The following SENP7 variants were observed in gnomAD, a reference collection of about 807,000 sequenced individuals.
The protein encoded by SENP7 is SUMO specific peptidase 7.
In SENP7, 64 loss-of-function variants were observed where a neutral mutation model predicts 141.2. The observed-to-expected ratio is 0.45, with a 90% confidence interval of 0.37 to 0.56. The LOEUF is 0.56. Ranked by LOEUF, SENP7 falls within the 20% of genes least tolerant of loss-of-function variation. The pLI is 0.00. For synonymous variants in SENP7, 382 were observed against 426.4 expected (o/e 0.90, Z 1.28); for missense variants, 1,025 against 1,212.2 (o/e 0.85, Z 2.29).
At chr3:101,492,593 C>A (rs1245145630) in intron 3 of SENP7, among the ~76,000 whole-genome samples, 1 of 152,038 alleles carries the variant, frequency 6.6e-6, no homozygotes, top group Non-Finnish European at 1.5e-5. Flanking sequence ...GGACTAATGT[C>A]CTTATAAGAA....
intron 17 of SENP7, among the ~76,000 whole-genome samples, chr3:101,336,857 T>C (rs1434564364): frequency 6.6e-6 from 1 of 152,140 alleles, no homozygotes; most frequent in Non-Finnish European, 1.5e-5. Flanking sequence ...TGGGCAAAAA[T>C]CAGCTAAATT....
chr3:101,460,699 G>A (rs2063517140), intron 3 of SENP7, among the ~76,000 whole-genome samples: 1 of 152,094 alleles, frequency 6.6e-6, no homozygotes, highest in Non-Finnish European at 1.5e-5. Flanking sequence ...ATGATAAAGT[G>A]GACATCAGCA....
intron 6 of SENP7, among the ~76,000 whole-genome samples, chr3:101,373,123 T>C (rs1396476205): frequency 6.6e-6 from 1 of 152,082 alleles, no homozygotes; most frequent in Non-Finnish European, 1.5e-5. Context: ...ACCAGTGTAG[T>C]GTCATAGTTA....
chr3:101,463,378 T>TATATATATATATATACAC (rs1553744687), intron 3 of SENP7, among the ~76,000 whole-genome samples: 16 of 84,404 alleles, frequency 1.9e-4, no homozygotes, highest in African/African-American at 4.2e-4. Flanking sequence ...TATATATATA[T>TATATATATATATATACAC]ATATATATAT....
chr3:101,437,360 TAAC>T (rs1328380802), intron 4 of SENP7, among the ~76,000 whole-genome samples: 1 of 152,194 alleles, frequency 6.6e-6, no homozygotes, highest in Non-Finnish European at 1.5e-5. Context: ...TTAAATACCT[TAAC>T]AAATGTAACT....
chr3:101,418,402 T>C (rs1398151411), intron 4 of SENP7, among the ~76,000 whole-genome samples: 2 of 152,096 alleles, frequency 1.3e-5, no homozygotes, highest in African/African-American at 2.4e-5. Context: ...TCTCATTCAA[T>C]ACATCTTTAT....
At chr3:101,431,623 A>C (rs1203452679) in intron 4 of SENP7, among the ~76,000 whole-genome samples, 1 of 151,490 alleles carries the variant, frequency 6.6e-6, no homozygotes, top group Non-Finnish European at 1.5e-5. Flanking sequence ...GTCTCGACTA[A>C]AAATACAAAA....
In SENP7 at chr3:101,366,526, G is replaced by C. The variant is rs959431777; in HGVS notation, c.1222C>G (p.Leu408Val). The C allele has an allele frequency of 6.2e-7, 1 of 1,613,752 alleles. No homozygotes were observed. Among genetic ancestry groups the C allele is most frequent in the Non-Finnish European group, 8.5e-7 (1 of 1,179,758 alleles). ...AACTCATTCTCATCCTTCTCAACCA[G>C]GGAAGAAATCCCCACAATATCAATG... Reference protein sequence around the residue: ...NSIDIVGISSLVEKDENELNT... With the variant: ...NSIDIVGISSVVEKDENELNT... The change falls in exon 9 of 24, where the codon CTG (leucine) becomes GTG (valine). Residue 408 changes from leucine to valine, a missense_variant. Coordinates refer to ENST00000394095, the MANE Select transcript of SENP7 (RefSeq NM_020654.5).
At chr3:101,432,120 C>T (rs12638137) in intron 4 of SENP7, among the ~76,000 whole-genome samples, 26,505 of 152,036 alleles carry the variant, frequency 0.17, 2,929 homozygotes, top group Non-Finnish European at 0.24. Context: ...TAAGAGATTT[C>T]GGGCCTTAAG....
intron 5 of SENP7, among the ~76,000 whole-genome samples, chr3:101,412,546 C>A (rs923058807): frequency 3.3e-5 from 5 of 151,988 alleles, no homozygotes; most frequent in Non-Finnish European, 7.4e-5. Context: ...ATACGTAATT[C>A]TTTTTAATTT....
At chr3:101,347,033 G>A (rs1229866271) in intron 13 of SENP7, among the ~76,000 whole-genome samples, 1 of 151,776 alleles carries the variant, frequency 6.6e-6, no homozygotes, top group Non-Finnish European at 1.5e-5. Context: ...GAAAATGGAA[G>A]AAGGAAGAAA....
Position 101,367,969 on chromosome 3 carries a change from T to A in SENP7, c.839A>T (p.Glu280Val). Residue 280 changes from glutamate (E) to valine (V), a missense_variant, in exon 8 of 24, where the codon GAA (glutamate) becomes GTA (valine). By Grantham distance (121) the Glu-to-Val change is moderately radical (BLOSUM62 -2). Transcript: ENST00000394095. ...ATATTTAACATCCTTGTTTCTGCTT[T>A]CCTGTTCGAGATGATCACAACCTCT... Reference protein sequence around the residue: ...GSRGCDHLEQESRNKDVKYSD... With the variant: ...GSRGCDHLEQVSRNKDVKYSD... 1 of 1,613,244 alleles carries A rather than the reference T, an allele frequency of 6.2e-7. No homozygotes were observed. Among genetic ancestry groups the A allele is most frequent in the Non-Finnish European group, 8.5e-7 (1 of 1,179,608 alleles).
At position 101,361,828 on chromosome 3, in the gene SENP7, T is replaced by C. The variant is rs1576089282; in HGVS notation, c.1510A>G (p.Met504Val). The change falls in exon 11 of 24, where the codon ATG becomes GTG. Residue 504 changes from methionine to valine, a missense_variant. Transcript: ENST00000394095. ...SSELCPYNPV[M>V]ENISSIMPSN... ...GGCATAATACTGGAAATGTTCTCCA[T>C]GACAGGATTATATGGGCATAATTCA... 1 of 1,605,484 alleles carries C rather than the reference T, an allele frequency of 6.2e-7. No individual in the cohort carries two copies.
chr3:101,417,204 TAA>T (rs1205551362), intron 5 of SENP7, among the ~76,000 whole-genome samples: 1 of 151,370 alleles, frequency 6.6e-6, no homozygotes, highest in Non-Finnish European at 1.5e-5. Flanking sequence ...GAAAGAATGT[TAA>T]AGATGAAGAA....
chr3:101,327,557 G>A, intron 23 of SENP7, 109 bp downstream of exon 23: 1 of 763,454 alleles, frequency 1.3e-6, no homozygotes, highest in East Asian at 3.0e-5. Context: ...AAATTACCCA[G>A]TCTTGGGTAT....
intron 4 of SENP7, among the ~76,000 whole-genome samples, chr3:101,456,044 T>C (rs2063341489): frequency 6.6e-6 from 1 of 152,194 alleles, no homozygotes. Context: ...GAGATACTTT[T>C]TTAAATTCCA....
At chr3:101,453,565 A>T (rs1378029358) in intron 4 of SENP7, among the ~76,000 whole-genome samples, 1 of 152,198 alleles carries the variant, frequency 6.6e-6, no homozygotes. Context: ...TGTCCTTTGT[A>T]GGGACATGGA....
At chr3:101,507,907 G>A (rs2065688008) in intron 1 of SENP7, among the ~76,000 whole-genome samples, 1 of 151,692 alleles carries the variant, frequency 6.6e-6, no homozygotes, top group Non-Finnish European at 1.5e-5. Flanking sequence ...AAATTAGCTG[G>A]GCATGGTGGC....
At chr3:101,458,910 T>G in intron 4 of SENP7, 45 bp downstream of exon 4, 1 of 1,154,988 alleles carries the variant, frequency 8.7e-7, no homozygotes, top group Non-Finnish European at 1.3e-6. Context: ...TATGGTCAAC[T>G]TTATAGGTTA....
Sources: gnomAD v4.1 joint callset for allele counts (sites outside exome capture counted in the v4.1 genomes callset) on GRCh38, gnomAD v4.1.1 for gene constraint, MANE v1.5 for transcripts, NCBI Gene and HGNC (gene_info 2026-07-23, HGNC 2026-07-21) for gene names.